Variants in RAB3IP observed in about 807,000 individuals in gnomAD.
RAB3IP encodes the protein RAB3A interacting protein.
A neutral mutation model predicts 59.1 loss-of-function variants in RAB3IP; 36 were observed. The ratio of observed to expected loss-of-function variants is 0.61; its 90% CI spans 0.47 to 0.80. The LOEUF (loss-of-function observed/expected upper bound fraction) is 0.80, where lower values mean the gene tolerates loss of function less well. RAB3IP is among the 30% of genes least tolerant of loss of function. RAB3IP has a pLI of 0.00. For synonymous variants in RAB3IP, 207 were observed against 191.2 expected (o/e 1.08, Z -0.68); for missense variants, 511 against 536.0 (o/e 0.95, Z 0.46).
intron 3 of RAB3IP, among the ~76,000 whole-genome samples, chr12:69,772,763 T>C (rs948297857): frequency 6.6e-6 from 1 of 152,188 alleles, no homozygotes; most frequent in Non-Finnish European, 1.5e-5. Flanking sequence ...TAACAAAGTA[T>C]TACAGTTCTT....
intron 3 of RAB3IP, among the ~76,000 whole-genome samples, chr12:69,772,225 G>T (rs1047278836): frequency 6.6e-6 from 1 of 151,962 alleles, no homozygotes; most frequent in Non-Finnish European, 1.5e-5. Context: ...TATAAGTATA[G>T]GTAGCTACTC....
Position 69,760,784 on chromosome 12 carries a change from T to TG in RAB3IP, c.510+4122dup, listed in dbSNP as rs1336562433. Among the ~76,000 whole-genome samples the TG allele has an allele frequency of 4.6e-5, 7 of 152,340 alleles. No individual in the cohort carries two copies. The Middle Eastern group carries it at 0.01, about 222-fold the overall frequency. On this transcript the variant is annotated intron_variant, in intron 3 of 10. Coordinates refer to ENST00000247833, the MANE Select transcript of RAB3IP (RefSeq NM_022456.5). ...AGAAGTCTGCTGTTACCCTTACCTT[T>TG]GTTCCTCTGCGTATTAGGTCTTTTC...
chr12:69,754,704 A>G (rs1869906984), intron 1 of RAB3IP, among the ~76,000 whole-genome samples: 2 of 152,222 alleles, frequency 1.3e-5, no homozygotes, highest in African/African-American at 4.8e-5. Flanking sequence ...CTATTTCACA[A>G]TGTGTATGTG....
intron 4 of RAB3IP, among the ~76,000 whole-genome samples, chr12:69,787,829 G>A (rs1327105128): frequency 1.3e-5 from 2 of 152,070 alleles, no homozygotes; most frequent in African/African-American, 4.8e-5. Flanking sequence ...AGTTCCCTAT[G>A]TGCTAGGCAC....
At chr12:69,794,346 A>G (rs1039569889) in intron 4 of RAB3IP, 91 bp from the exon 5 acceptor site, 6 of 1,004,660 alleles carry the variant, frequency 6.0e-6, no homozygotes, top group South Asian at 2.9e-5. Context: ...TTTTGGTAGT[A>G]TATCTTTGCT....
chr12:69,782,065 G>GA (rs905893603), intron 3 of RAB3IP, among the ~76,000 whole-genome samples: 12 of 152,126 alleles, frequency 7.9e-5, no homozygotes, highest in African/African-American at 2.7e-4. Context: ...CCCTTTGGGG[G>GA]ATTAAAAAAC....
intron 10 of RAB3IP, among the ~76,000 whole-genome samples, chr12:69,814,832 A>G (rs909952594): frequency 6.6e-6 from 1 of 152,204 alleles, no homozygotes; most frequent in African/African-American, 2.4e-5. Flanking sequence ...AATTGAATTT[A>G]CAATTCATCT....
chr12:69,805,293 T>C (rs965664283), intron 8 of RAB3IP, among the ~76,000 whole-genome samples: 10 of 151,176 alleles, frequency 6.6e-5, no homozygotes, highest in South Asian at 2.1e-4. Flanking sequence ...TTTGGCTCTC[T>C]GTTTGTCTGT....
In RAB3IP at chr12:69,819,820, T is replaced by G. The variant is rs1440078762; in HGVS notation, c.*4374T>G. On this transcript the variant is annotated 3_prime_UTR_variant, in exon 11 of 11. Transcript: ENST00000247833. ...AGTCACTTAGACCTACATTCTGGTC[T>G]AGGTTTGGCTCCCAAAAACTGGGAA... is the stretch of plus-strand genomic sequence containing the variant. The G allele has an allele frequency of 1.3e-5, 2 of 152,190 alleles. No individual in the cohort carries two copies. The highest frequency in any genetic ancestry group is 4.8e-5 in the African/African-American group (2 of 41,452). The allele number at this position is 152,190 out of a possible 1,614,324, so 9.4% of individuals were successfully genotyped here.
At chr12:69,784,994 A>G (rs1277591612) in intron 4 of RAB3IP, 179 bp downstream of exon 4, 1 of 372,564 alleles carries the variant, frequency 2.7e-6, no homozygotes, top group African/African-American at 2.1e-5. Context: ...ATGTGAAAAG[A>G]AATAAAAAAC....
At chr12:69,796,619 C>T (rs969702990) in intron 6 of RAB3IP, 36 of 625,640 alleles carry the variant, frequency 5.8e-5, no homozygotes, top group Non-Finnish European at 7.8e-5. Context: ...TGCATTTTGA[C>T]GAATTATCAA....
At chr12:69,812,209 TAG>T (rs1225974191) in intron 8 of RAB3IP, 2 of 152,280 alleles carry the variant, frequency 1.3e-5, no homozygotes, top group African/African-American at 4.8e-5. Flanking sequence ...CATATGCAAA[TAG>T]AAAGGATCAT....
intron 3 of RAB3IP, among the ~76,000 whole-genome samples, chr12:69,766,847 A>T (rs986902936): frequency 6.6e-6 from 1 of 152,022 alleles, no homozygotes; most frequent in African/African-American, 2.4e-5. Context: ...ATTTCTTTTG[A>T]ATATGTTTAT....
chr12:69,772,673 C>T (rs978199152), intron 3 of RAB3IP, among the ~76,000 whole-genome samples: 3 of 152,116 alleles, frequency 2.0e-5, no homozygotes, highest in East Asian at 1.9e-4. Flanking sequence ...AGAAAGAAAA[C>T]GTACACTGTA....
chr12:69,795,241 C>T lies in RAB3IP; in HGVS notation c.785C>T (p.Pro262Leu), dbSNP rs1021720956. 6.2e-7 allele frequency: 1 copy of T among 1,613,974 alleles called. No individual in the cohort carries two copies. Among genetic ancestry groups the T allele is most frequent in the Non-Finnish European group, 8.5e-7 (1 of 1,179,968 alleles). The change falls in exon 6 of 11, where the codon CCT (proline) becomes CTT (leucine). Residue 262 changes from proline to leucine, a missense_variant. By Grantham distance (98) the Pro-to-Leu change is moderately conservative (BLOSUM62 -3). Transcript: ENST00000247833. ...GAGCCTTTGCCAGGTGGAAAGACAC[C>T]TTTTAAAAAGGGGCATACAAGAAAT... ...TQEPLPGGKT[P>L]FKKGHTRNKS...
At chr12:69,807,103 G>T (rs577021407) in intron 8 of RAB3IP, among the ~76,000 whole-genome samples, 2 of 152,318 alleles carry the variant, frequency 1.3e-5, no homozygotes, top group Admixed American at 1.3e-4. Context: ...CTTCGGAGCT[G>T]TTGGGTACAC....
At chr12:69,771,018 T>C (rs1471364490) in intron 3 of RAB3IP, among the ~76,000 whole-genome samples, 1 of 152,210 alleles carries the variant, frequency 6.6e-6, no homozygotes, top group Non-Finnish European at 1.5e-5. Flanking sequence ...TCCTCCCTAC[T>C]CTTCCCAGCT....
At chr12:69,796,544 A>G in intron 6 of RAB3IP, 1 of 502,736 alleles carries the variant, frequency 2.0e-6, no homozygotes, top group Non-Finnish European at 3.6e-6. Context: ...TGCTTGTTAA[A>G]TTTTTGTATG....
intron 1 of RAB3IP, among the ~76,000 whole-genome samples, chr12:69,751,792 T>C (rs1869349905): frequency 6.6e-6 from 1 of 152,160 alleles, no homozygotes; most frequent in Non-Finnish European, 1.5e-5. Context: ...CTTTTCTGTG[T>C]GGTTAAGCTA....
Sources: allele counts gnomAD v4.1 joint callset (sites outside exome capture counted in the v4.1 genomes callset), GRCh38; gene constraint gnomAD v4.1.1; transcripts MANE v1.5; gene names NCBI Gene and HGNC (gene_info 2026-07-23, HGNC 2026-07-21).